SEC24D: variants seen among roughly 807,000 people sequenced by gnomAD.
SEC24D encodes SEC24 homolog D, COPII component, also known as protein transport protein Sec24D.
SEC24D carries 69 observed loss-of-function variants against 116.9 expected under a neutral mutation model. The observed-to-expected ratio is 0.59, with a 90% CI of 0.49 to 0.72. The LOEUF is 0.72. Among genes scored for constraint, SEC24D ranks in the 30% least tolerant of loss-of-function variants. The probability of loss-of-function intolerance (pLI) is 0.00; values close to 1 mark genes in which losing one functional copy is unlikely to be tolerated. For missense variants in SEC24D, 1,131 were observed against 1,264.1 expected (o/e 0.89, Z 1.60); for synonymous variants, 405 against 442.8 (o/e 0.91, Z 1.07).
chr4:118,772,781 G>T (rs1227374925), intron 8 of SEC24D, among the ~76,000 whole-genome samples: 1 of 152,168 alleles, frequency 6.6e-6, no homozygotes, highest in African/African-American at 2.4e-5. Context: ...CTGCGATGAA[G>T]AAAAATGATT....
At chr4:118,731,168 T>G in intron 21 of SEC24D, 148 bp downstream of exon 21, 1 of 684,844 alleles carries the variant, frequency 1.5e-6, no homozygotes, top group South Asian at 1.9e-5. Flanking sequence ...CTAATTGATA[T>G]TGATCAAAAC....
chr4:118,752,890 T>G lies in SEC24D; in HGVS notation c.1422-2A>C. The G allele has an allele frequency of 6.6e-7, 1 of 1,526,630 alleles. No individual in the cohort carries two copies. The highest frequency in any genetic ancestry group is 8.7e-7 in the Non-Finnish European group (1 of 1,142,924). The allele number at this position is 1,526,630 out of a possible 1,614,324, so 94.6% of individuals were successfully genotyped here. A position where few individuals can be genotyped will look rare whatever the true frequency, so the allele number is the denominator to read the frequency against. The stretch of plus-strand genomic sequence containing the variant: ...GCAGACGTCTCTTCTTGCTCTTCCC[T>G]GTAAGGAAAAAAAAAAGTGTTTGAG... On this transcript the variant is annotated splice_acceptor_variant, in intron 11 of 22. Transcript: ENST00000280551. LOFTEE classifies it high-confidence loss of function.
rs776218908 is a variant in SEC24D at position 118,731,526 on chromosome 4, AAG to A, written c.2677-21_2677-20del. Reference sequence around the variant, plus strand: ...ACGTGTGCTGGGCAGGCACAGACAAAAGAGTTAGAAACTCCTTTCTTCCCCTT... The same window carrying A: ...ACGTGTGCTGGGCAGGCACAGACAAAAGTTAGAAACTCCTTTCTTCCCCTT... On this transcript the variant is annotated intron_variant, in intron 20 of 22. Coordinates refer to ENST00000280551, the MANE Select transcript of SEC24D (RefSeq NM_014822.4). The A allele has an allele frequency of 9.9e-6, 16 of 1,608,792 alleles. No homozygotes were observed. Among genetic ancestry groups the A allele is most frequent in the Non-Finnish European group, 1.4e-5 (16 of 1,175,534 alleles).
chr4:118,797,015 T>C (rs1729206208), intron 8 of SEC24D, among the ~76,000 whole-genome samples: 1 of 152,160 alleles, frequency 6.6e-6, no homozygotes, highest in African/African-American at 2.4e-5. Flanking sequence ...TCTGTGCGCA[T>C]GTGGGCATTC....
At chr4:118,724,288 CAG>C (rs747333418) in intron 22 of SEC24D, among the ~76,000 whole-genome samples, 3 of 152,036 alleles carry the variant, frequency 2.0e-5, no homozygotes, top group African/African-American at 2.4e-5. Flanking sequence ...ACAGGGAAAA[CAG>C]GGAGAACTCC....
Position 118,740,720 on chromosome 4 carries a change from C to T in SEC24D, c.2181G>A (p.Val727=). 6.2e-7 allele frequency: 1 copy of T among 1,613,982 alleles called. No homozygotes were observed. The part of the protein sequence containing the change: ...EMAAIDCDKA[V]TVEFKHDDKL... ...TGTCATCGTGCTTGAACTCCACGGT[C>T]ACTGCCTTGTCACAATCGATGGCAG... The change falls in exon 17 of 23, where the codon GTG becomes GTA. Residue 727 remains valine, a synonymous_variant. Coordinates refer to ENST00000280551, the MANE Select transcript of SEC24D (RefSeq NM_014822.4).
At chr4:118,760,809 G>T (rs1329256982) in intron 10 of SEC24D, among the ~76,000 whole-genome samples, 1 of 152,068 alleles carries the variant, frequency 6.6e-6, no homozygotes, top group African/African-American at 2.4e-5. Flanking sequence ...CCGGGTTCAA[G>T]CGATTCTCCT....
chr4:118,798,653 A>C (rs1729286081), intron 7 of SEC24D, among the ~76,000 whole-genome samples: 1 of 152,258 alleles, frequency 6.6e-6, no homozygotes, highest in South Asian at 2.1e-4. Flanking sequence ...TAATAAAAGT[A>C]AATTATATAG....
At chr4:118,807,353 T>C (rs1729719599) in intron 6 of SEC24D, among the ~76,000 whole-genome samples, 1 of 152,196 alleles carries the variant, frequency 6.6e-6, no homozygotes, top group Non-Finnish European at 1.5e-5. Context: ...TCTAATTGTG[T>C]AGGGGTGAAA....
intron 8 of SEC24D, among the ~76,000 whole-genome samples, chr4:118,771,728 A>T (rs1281480765): frequency 6.6e-6 from 1 of 152,206 alleles, no homozygotes; most frequent in East Asian, 1.9e-4. Flanking sequence ...AGATGTATCC[A>T]CCAATGCCTT....
At chr4:118,779,175 T>C (rs1728283594) in intron 8 of SEC24D, among the ~76,000 whole-genome samples, 1 of 152,212 alleles carries the variant, frequency 6.6e-6, no homozygotes, top group Non-Finnish European at 1.5e-5. Context: ...ATCTCTGTCT[T>C]GTGCCAGCTT....
intron 8 of SEC24D, among the ~76,000 whole-genome samples, chr4:118,781,583 G>A (rs1578427935): frequency 6.6e-6 from 1 of 152,020 alleles, no homozygotes; most frequent in Non-Finnish European, 1.5e-5. Flanking sequence ...TACTCTTCTC[G>A]AGGAGTATCT....
chr4:118,802,894 G>A (rs949648897), intron 7 of SEC24D, among the ~76,000 whole-genome samples: 1 of 152,272 alleles, frequency 6.6e-6, no homozygotes. Context: ...TATAAAAGAC[G>A]GAAAGTTACG....
In SEC24D at chr4:118,760,637, T is replaced by A. The variant is rs1455613090; in HGVS notation, c.1297-2792A>T. ...TATGAACAAGGATATGCAAATATCT[T>A]TTTGAGACTCTGCTTTCAATTATTT... is the stretch of plus-strand genomic sequence containing the variant. On this transcript the variant is annotated intron_variant, in intron 10 of 22. Coordinates refer to ENST00000280551, the MANE Select transcript of SEC24D (RefSeq NM_014822.4). The A allele has an allele frequency of 2.6e-5, 4 of 152,210 alleles. No individual in the cohort carries two copies. In the East Asian group the frequency reaches 7.7e-4, roughly 29 times the overall value. The allele number at this position is 152,210 out of a possible 1,614,324, so 9.4% of individuals were successfully genotyped here.
intron 11 of SEC24D, 47 bp from the exon 12 acceptor site, chr4:118,752,935 G>A: frequency 7.3e-7 from 1 of 1,373,882 alleles, no homozygotes. Context: ...AAATTTAGAT[G>A]AAAAGGAGGT....
At position 118,764,813 on chromosome 4, in the gene SEC24D, C is replaced by T; in HGVS notation, c.1285G>A (p.Asp429Asn). The T allele has an allele frequency of 1.3e-6, 2 of 1,578,706 alleles. No individual in the cohort carries two copies. The highest frequency in any genetic ancestry group is 2.2e-5 in the South Asian group (2 of 90,038). The change falls in exon 10 of 23, where the codon GAT becomes AAT. Residue 429 changes from aspartate (D) to asparagine (N), a missense_variant. Coordinates refer to ENST00000280551, the MANE Select transcript of SEC24D (RefSeq NM_014822.4). ...LGSYEYVATL[D>N]YCRKSKPPNP... ...CTGGGAACACTTACTCTGCAATAAT[C>T]CAAAGTGGCAACATATTCATAAGAT...
At chr4:118,764,743 A>AGTT in intron 10 of SEC24D, 59 bp downstream of exon 10, 1 of 969,312 alleles carries the variant, frequency 1.0e-6, no homozygotes, top group Non-Finnish European at 1.6e-6. Flanking sequence ...TACATATGAA[A>AGTT]GTTATTCACT....
At position 118,822,792 on chromosome 4, in the gene SEC24D, C is replaced by T. The variant is rs141041093; in HGVS notation, c.248+1828G>A. Among the ~76,000 whole-genome samples the T allele has an allele frequency of 4.8e-3, 728 of 151,946 alleles. 6 individuals carry two copies. The highest frequency in any genetic ancestry group is 0.017 in the African/African-American group (688 of 41,478). On this transcript the variant is annotated intron_variant, in intron 3 of 22. Coordinates refer to ENST00000280551, the MANE Select transcript of SEC24D (RefSeq NM_014822.4). ...TCTCATCATGTTGCCCAGGCTGTCT[C>T]GAACTCCTGGGCTCAGGCGATCCTC... is the stretch of plus-strand genomic sequence containing the variant.
intron 6 of SEC24D, among the ~76,000 whole-genome samples, chr4:118,806,352 T>A (rs1729679508): frequency 6.6e-6 from 1 of 152,120 alleles, no homozygotes; most frequent in South Asian, 2.1e-4. Flanking sequence ...TTTCATTTTT[T>A]GAGATGGGGG....
Sources: gnomAD v4.1 joint callset for allele counts (sites outside exome capture counted in the v4.1 genomes callset) on GRCh38, gnomAD v4.1.1 for gene constraint, MANE v1.5 for transcripts, NCBI Gene and HGNC (gene_info 2026-07-23, HGNC 2026-07-21) for gene names.